Variants in TSGA10 observed in about 807,000 individuals in gnomAD.
TSGA10 encodes the protein testis specific 10.
A neutral mutation model predicts 96.6 loss-of-function variants in TSGA10; 43 were observed. The observed-to-expected ratio is 0.44, with a 90% CI of 0.35 to 0.57. TSGA10 has a LOEUF of 0.57. Ranked by LOEUF, TSGA10 falls within the 20% of genes least tolerant of loss-of-function variation. TSGA10 has a pLI of 0.01. For missense variants in TSGA10, 703 were observed against 834.4 expected, an observed-to-expected ratio of 0.84 and a Z score of 1.94; for synonymous variants, 229 against 269.9, an observed-to-expected ratio of 0.85 and a Z score of 1.48.
At chr2:99,084,036 G>A (rs1245119513) in intron 10 of TSGA10, among the ~76,000 whole-genome samples, 2 of 152,148 alleles carry the variant, frequency 1.3e-5, no homozygotes, top group Non-Finnish European at 2.9e-5. Context: ...GGAATACATC[G>A]ACTTATCTGT....
At chr2:99,020,931 A>G (rs2079949232) in intron 17 of TSGA10, among the ~76,000 whole-genome samples, 1 of 149,280 alleles carries the variant, frequency 6.7e-6, no homozygotes, top group South Asian at 2.1e-4. Flanking sequence ...GTCTCTTAAT[A>G]TAATTAATAA....
At chr2:99,012,596 T>C (rs1376976510) in intron 20 of TSGA10, among the ~76,000 whole-genome samples, 2 of 152,150 alleles carry the variant, frequency 1.3e-5, no homozygotes, top group Non-Finnish European at 2.9e-5. Context: ...GGACATTATA[T>C]AATGATAAAA....
chr2:99,061,635 C>T (rs763441835), intron 16 of TSGA10, among the ~76,000 whole-genome samples: 5 of 152,088 alleles, frequency 3.3e-5, no homozygotes, highest in Admixed American at 6.6e-5. Context: ...AATTCCACTC[C>T]TAGTTATTTA....
intron 17 of TSGA10, among the ~76,000 whole-genome samples, chr2:99,026,648 C>G (rs896081477): frequency 1.3e-5 from 2 of 152,090 alleles, no homozygotes; most frequent in Non-Finnish European, 2.9e-5. Context: ...TGGTCTCGAT[C>G]TCCTGACCTC....
chr2:99,045,316 G>A (rs1435431774), intron 16 of TSGA10, among the ~76,000 whole-genome samples: 1 of 152,124 alleles, frequency 6.6e-6, no homozygotes, highest in African/African-American at 2.4e-5. Flanking sequence ...AGGAAAAAAT[G>A]TTAAGGGCAG....
At chr2:99,154,964 C>G, upstream of TSGA10, 1 of 455,512 alleles carries the variant, frequency 2.2e-6, no homozygotes, top group Non-Finnish European at 4.4e-6. Context: ...CAGCATCGCG[C>G]GCAAGGCCTG....
intron 2 of TSGA10, among the ~76,000 whole-genome samples, chr2:99,119,916 G>A (rs912940866): frequency 6.6e-6 from 1 of 152,038 alleles, no homozygotes; most frequent in Admixed American, 6.6e-5. Flanking sequence ...ATCTTTGTTC[G>A]TGGCTTTTCC....
In TSGA10 at chr2:99,073,011, G is replaced by T; in HGVS notation, c.938+7C>A. 4 of 1,604,850 alleles carry T rather than the reference G, an allele frequency of 2.5e-6. No homozygotes were observed. Among genetic ancestry groups the T allele is most frequent in the South Asian group, 1.1e-5 (1 of 89,782 alleles). ...GAGCTCATATATTTGTTGCACGACT[G>T]ATTTACCTTGATGCCTGTTCCATCT... On this transcript the variant is annotated splice_region_variant and intron_variant, in intron 13 of 20. Transcript: ENST00000393483.
chr2:99,041,109 G>A (rs1452963337), intron 16 of TSGA10, among the ~76,000 whole-genome samples: 7 of 152,198 alleles, frequency 4.6e-5, no homozygotes, highest in Admixed American at 6.5e-5. Context: ...GAAAGTTTTA[G>A]GTTATTAGCA....
intron 1 of TSGA10, among the ~76,000 whole-genome samples, chr2:99,152,395 T>G (rs1352026224): frequency 6.6e-6 from 1 of 152,164 alleles, no homozygotes; most frequent in East Asian, 1.9e-4. Context: ...TAAGCGATCT[T>G]CCTGCCTCAG....
intron 11 of TSGA10, among the ~76,000 whole-genome samples, chr2:99,080,378 T>C (rs2087301947): frequency 1.3e-5 from 2 of 152,208 alleles, no homozygotes; most frequent in Admixed American, 1.3e-4. Context: ...CTGGGTCTTC[T>C]TCCTACTTCT....
chr2:99,122,921 T>TG (rs2092653771), intron 2 of TSGA10, among the ~76,000 whole-genome samples: 2 of 152,224 alleles, frequency 1.3e-5, no homozygotes, highest in African/African-American at 4.8e-5. Flanking sequence ...GAAATACTTT[T>TG]AGCTATTCTT....
At chr2:99,071,491 C>A (rs1439670885) in intron 14 of TSGA10, among the ~76,000 whole-genome samples, 1 of 151,890 alleles carries the variant, frequency 6.6e-6, no homozygotes, top group Non-Finnish European at 1.5e-5. Context: ...AGCTTTAATA[C>A]AAATATAGCC....
At chr2:99,037,848 T>G (rs770077603) in intron 16 of TSGA10, among the ~76,000 whole-genome samples, 3 of 151,752 alleles carry the variant, frequency 2.0e-5, no homozygotes, top group Non-Finnish European at 2.9e-5. Context: ...AAACTCCATC[T>G]CAAAAATAAA....
chr2:99,081,479 A>G (rs2087494010), intron 10 of TSGA10, 82 bp from the exon 11 acceptor site: 1 of 560,122 alleles, frequency 1.8e-6, no homozygotes, highest in Non-Finnish European at 3.1e-6. Context: ...AAAACTTTTA[A>G]GGACACTAAT....
At chr2:99,046,971 A>G (rs1385105723) in intron 16 of TSGA10, among the ~76,000 whole-genome samples, 1 of 152,238 alleles carries the variant, frequency 6.6e-6, no homozygotes, top group Non-Finnish European at 1.5e-5. Flanking sequence ...TTGAAAATCT[A>G]GAAGAAACGG....
intron 20 of TSGA10, among the ~76,000 whole-genome samples, chr2:99,012,117 T>C (rs986554363): frequency 2.0e-5 from 3 of 152,290 alleles, no homozygotes; most frequent in African/African-American, 7.2e-5. Flanking sequence ...TTTTCAGACA[T>C]GCTGAGAGAA....
chr2:99,082,356 A>C (rs942553686), intron 10 of TSGA10, among the ~76,000 whole-genome samples: 1 of 152,096 alleles, frequency 6.6e-6, no homozygotes, highest in African/African-American at 2.4e-5. Flanking sequence ...ACTTCTGTAG[A>C]ATTATTGCAT....
intron 2 of TSGA10, 30 bp from the exon 3 acceptor site, chr2:99,118,716 T>C (rs2092414769): frequency 2.1e-6 from 2 of 970,948 alleles, no homozygotes; most frequent in Non-Finnish European, 2.4e-6. Flanking sequence ...TTAGACCCAT[T>C]GAACAATGAT....
Sources: allele counts gnomAD v4.1 joint callset (sites outside exome capture counted in the v4.1 genomes callset), GRCh38; gene constraint gnomAD v4.1.1; transcripts MANE v1.5; gene names NCBI Gene and HGNC (gene_info 2026-07-23, HGNC 2026-07-21).